The following DOCK10 variants were observed in gnomAD, a reference collection of about 807,000 sequenced individuals.
DOCK10 encodes the protein dedicator of cytokinesis 10.
Under a neutral mutation model 280.1 loss-of-function variants are expected in DOCK10, and 145 were observed. That is an observed-to-expected ratio of 0.52 (90% CI 0.45 to 0.59). The LOEUF (loss-of-function observed/expected upper bound fraction) is 0.59. DOCK10 is among the 20% of genes least tolerant of loss of function. The probability of loss-of-function intolerance (pLI) is 0.00; values close to 1 mark genes in which losing one functional copy is unlikely to be tolerated. For synonymous variants in DOCK10, 915 were observed against 942.2 expected, an observed-to-expected ratio of 0.97 and a Z score of 0.53; for missense variants, 2,368 against 2,651.7, an observed-to-expected ratio of 0.89 and a Z score of 2.35.
At chr2:225,005,379 T>A (rs1183526639) in intron 1 of DOCK10, among the ~76,000 whole-genome samples, 1 of 152,226 alleles carries the variant, frequency 6.6e-6, no homozygotes, top group East Asian at 1.9e-4. Flanking sequence ...CTTCAAAATA[T>A]GTACAGTTTT....
rs1177570615 is a variant in DOCK10, at chr2:224,885,823, T to C, written c.613-18A>G. Reference sequence around the variant, plus strand: ...TTGAATGACTAAATAAAGGAAAAGATATAAGGAGATATTCAAATTGTAATG... The same window carrying C: ...TTGAATGACTAAATAAAGGAAAAGACATAAGGAGATATTCAAATTGTAATG... On this transcript the variant is annotated intron_variant, in intron 6 of 55. Coordinates refer to ENST00000258390, the MANE Select transcript of DOCK10 (RefSeq NM_014689.3). The C allele has an allele frequency of 6.2e-7, 1 of 1,607,444 alleles. No individual in the cohort carries two copies. Among genetic ancestry groups the C allele is most frequent in the Non-Finnish European group, 8.5e-7 (1 of 1,178,140 alleles).
chr2:224,837,768 A>G lies in DOCK10; in HGVS notation c.2844T>C (p.Tyr948=), dbSNP rs898208021. The G allele has an allele frequency of 6.2e-7, 1 of 1,613,672 alleles. No homozygotes were observed. ...TCCAAGAGGCATTTCATACCTTAAT[A>G]TATGACTGGACAGAATGATCCAGCT... ...EEQLDHSVQS[Y]IKFVFKTRAC... is the part of the protein sequence containing the mutation. Residue 948 remains tyrosine (Y), a synonymous_variant, in exon 25 of 56, where the codon TAT becomes TAC. Coordinates refer to ENST00000258390, the MANE Select transcript of DOCK10 (RefSeq NM_014689.3).
intron 1 of DOCK10, among the ~76,000 whole-genome samples, chr2:225,009,497 G>T (rs1689372375): frequency 1.3e-5 from 2 of 152,142 alleles, no homozygotes; most frequent in Admixed American, 6.5e-5. Context: ...CATGCAAAAA[G>T]ATCTGTTAAT....
Position 224,834,193 on chromosome 2 carries a change from A to G in DOCK10, c.2921T>C (p.Leu974Pro). ...HEELAKNVTG[L>P]LKSNDSTTVK... ...TGTTGTTGAGTCATTTGATTTCAAAAGACCAGTCACATTTTTAGCCAGTTC... is the reference window on the plus strand; with the variant it reads ...TGTTGTTGAGTCATTTGATTTCAAAGGACCAGTCACATTTTTAGCCAGTTC... The change falls in exon 26 of 56, where the codon CTT becomes CCT. Residue 974 changes from leucine (L) to proline (P), a missense_variant. Physicochemically the swap from Leu to Pro is moderately conservative, Grantham distance 98. Coordinates refer to ENST00000258390, the MANE Select transcript of DOCK10 (RefSeq NM_014689.3). The G allele has an allele frequency of 6.2e-7, 1 of 1,613,380 alleles. No homozygotes were observed. The highest frequency in any genetic ancestry group is 8.5e-7 in the Non-Finnish European group (1 of 1,179,348).
intron 25 of DOCK10, 97 bp from the exon 26 acceptor site, chr2:224,834,360 G>A (rs1028020960): frequency 2.7e-6 from 2 of 745,542 alleles, no homozygotes; most frequent in Admixed American, 2.3e-5. Context: ...TAAATTATCT[G>A]CTCATGCCAG....
chr2:224,842,591 G>A (rs544077434), intron 22 of DOCK10, among the ~76,000 whole-genome samples: 10 of 152,216 alleles, frequency 6.6e-5, no homozygotes, highest in East Asian at 5.8e-4. Context: ...GTGTGTGTGC[G>A]CGTGTGTGTG....
At chr2:224,913,267 T>G (rs930412345) in intron 3 of DOCK10, among the ~76,000 whole-genome samples, 7 of 152,184 alleles carry the variant, frequency 4.6e-5, no homozygotes, top group Non-Finnish European at 8.8e-5. Context: ...ATATTGTTAT[T>G]ATTGCTAAAT....
chr2:224,940,571 G>T (rs1447083597), intron 1 of DOCK10, among the ~76,000 whole-genome samples: 2 of 152,124 alleles, frequency 1.3e-5, no homozygotes, highest in Admixed American at 6.5e-5. Flanking sequence ...AAGTACACCA[G>T]GTATCAAGCA....
intron 1 of DOCK10, among the ~76,000 whole-genome samples, chr2:224,957,293 C>CT (rs1553622584): frequency 2.1e-5 from 3 of 144,620 alleles, no homozygotes; most frequent in South Asian, 4.2e-4. Context: ...CCGCCCCCCC[C>CT]CGGCTTTGTT....
intron 1 of DOCK10, among the ~76,000 whole-genome samples, chr2:224,975,648 T>C (rs1268690595): frequency 6.6e-6 from 1 of 152,224 alleles, no homozygotes; most frequent in Non-Finnish European, 1.5e-5. Context: ...GTTTCCATAG[T>C]TTCCATAGTA....
chr2:224,954,360 T>C (rs1031209565), intron 1 of DOCK10, among the ~76,000 whole-genome samples: 9 of 152,192 alleles, frequency 5.9e-5, no homozygotes, highest in South Asian at 2.1e-4. Flanking sequence ...CCAATAAGTA[T>C]CTTAGTGTGA....
At chr2:224,944,013 T>C (rs1251315676) in intron 1 of DOCK10, among the ~76,000 whole-genome samples, 3 of 152,216 alleles carry the variant, frequency 2.0e-5, no homozygotes, top group African/African-American at 7.2e-5. Context: ...TCCACTTGCC[T>C]TGGCCTCCCA....
chr2:224,781,288 A>T (rs1691318104), intron 50 of DOCK10, among the ~76,000 whole-genome samples: 1 of 152,198 alleles, frequency 6.6e-6, no homozygotes, highest in South Asian at 2.1e-4. Context: ...TCAATTGGTG[A>T]TTGGAACCTT....
At chr2:224,828,834 C>G (rs1695036440) in intron 27 of DOCK10, among the ~76,000 whole-genome samples, 1 of 152,136 alleles carries the variant, frequency 6.6e-6, no homozygotes, top group Non-Finnish European at 1.5e-5. Context: ...AGGGACAAAA[C>G]AGAGAGCAAC....
Position 224,805,209 on chromosome 2 carries a change from A to T in DOCK10, c.4048T>A (p.Tyr1350Asn). The change falls in exon 36 of 56, where the codon TAC becomes AAC. Residue 1350 changes from tyrosine to asparagine, a missense_variant. Physicochemically the swap from Tyr to Asn is moderately radical, Grantham distance 143. Around this residue, in one of 2 missense-constraint regions of DOCK10, gnomAD observed 1,159 missense variants for 1,400.8 expected, o/e 0.83. Coordinates refer to ENST00000258390, the MANE Select transcript of DOCK10 (RefSeq NM_014689.3). This position sits in a 1 kb window ranked among gnomAD's most constrained non-coding sequence, Gnocchi z 4.3. ...AAAATTAAAGAATTCTCTTTACCGT[A>T]CGAAATCGTTTTCATAATGTGAAGA... The part of the protein sequence containing the change: ...CFLHIMKTIS[Y>N]ETLIAYWQRA... 1 of 1,609,370 alleles carries T rather than the reference A, an allele frequency of 6.2e-7. No homozygotes were observed. Among genetic ancestry groups the T allele is most frequent in the Non-Finnish European group, 8.5e-7 (1 of 1,178,210 alleles).
intron 41 of DOCK10, among the ~76,000 whole-genome samples, chr2:224,799,000 A>G (rs1692786504): frequency 6.6e-6 from 1 of 152,182 alleles, no homozygotes; most frequent in African/African-American, 2.4e-5. Context: ...AATGTTTTTA[A>G]TAGTTTTATT....
At chr2:225,024,563 A>G (rs1689866990) in intron 1 of DOCK10, among the ~76,000 whole-genome samples, 1 of 152,200 alleles carries the variant, frequency 6.6e-6, no homozygotes, top group Non-Finnish European at 1.5e-5. Context: ...GCTTTTCAAA[A>G]TAAGAAAAGA....
At chr2:224,810,998 C>T (rs888181446) in intron 31 of DOCK10, among the ~76,000 whole-genome samples, 2 of 151,936 alleles carry the variant, frequency 1.3e-5, no homozygotes, top group African/African-American at 4.8e-5. Context: ...GGGTATATAC[C>T]CAGTAATGGG....
chr2:224,876,262 A>G (rs1442970332), intron 7 of DOCK10, 41 bp from the exon 8 acceptor site: 7 of 1,507,490 alleles, frequency 4.6e-6, no homozygotes, highest in South Asian at 1.2e-5. Context: ...GAATACCAAA[A>G]AATAAGCCTT....
Sources: gnomAD v4.1 joint callset for allele counts (sites outside exome capture counted in the v4.1 genomes callset) on GRCh38, gnomAD v4.1.1 for gene constraint, gnomAD v4.1.1 regional missense constraint, Gnocchi (gnomAD v3.1) non-coding constraint, MANE v1.5 for transcripts, NCBI Gene and HGNC (gene_info 2026-07-23, HGNC 2026-07-21) for gene names.